Variants in CLMN observed in about 807,000 individuals in gnomAD.
The protein encoded by CLMN is calmin, also known as calmin (calponin-like, transmembrane).
CLMN carries 57 observed loss-of-function variants against 92.7 expected under a neutral mutation model. The ratio of observed to expected loss-of-function variants is 0.61; its 90% CI spans 0.50 to 0.77. CLMN has a LOEUF of 0.77. Ranked by LOEUF, CLMN falls within the 30% of genes least tolerant of loss-of-function variation. The pLI is 0.00. For missense variants in CLMN, 1,158 were observed against 1,237.5 expected, an observed-to-expected ratio of 0.94 and a Z score of 0.96; for synonymous variants, 466 against 470.6, an observed-to-expected ratio of 0.99 and a Z score of 0.13.
chr14:95,282,883 G>A (rs1321252598), intron 1 of CLMN, among the ~76,000 whole-genome samples: 1 of 152,238 alleles, frequency 6.6e-6, no homozygotes, highest in Non-Finnish European at 1.5e-5. Flanking sequence ...AGATGCAGGA[G>A]CAGGAAAAAT....
chr14:95,181,984 A>G lies in CLMN; in HGVS notation c.*9580T>C, dbSNP rs1237653430. 6.6e-6 allele frequency: 1 copy of G among 152,238 alleles called. No homozygotes were observed. The highest frequency in any genetic ancestry group is 1.5e-5 in the Non-Finnish European group (1 of 68,036). 9.4% of individuals were successfully genotyped at this position (152,238 alleles called of 1,614,324 possible). A position where few individuals can be genotyped will look rare whatever the true frequency, so the allele number is the denominator to read the frequency against. ...TTCAAAAATTTTCTTAAGAATACACATGATTTTACAAGATCATTCATCATA... is the reference window on the plus strand; with the variant it reads ...TTCAAAAATTTTCTTAAGAATACACGTGATTTTACAAGATCATTCATCATA... On this transcript the variant is annotated 3_prime_UTR_variant, in exon 13 of 13. Transcript: ENST00000298912.
chr14:95,205,911 T>G (rs1897033852), intron 8 of CLMN, among the ~76,000 whole-genome samples: 1 of 152,108 alleles, frequency 6.6e-6, no homozygotes, highest in Non-Finnish European at 1.5e-5. Flanking sequence ...CAATGGAGCA[T>G]AGAACATATC....
rs111702790 is a variant in CLMN at position 95,264,317 on chromosome 14, G to A, written c.83-34184C>T. On this transcript the variant is annotated intron_variant, in intron 1 of 12. Coordinates refer to ENST00000298912, the MANE Select transcript of CLMN (RefSeq NM_024734.4). Reference sequence around the variant, plus strand: ...CCCAAAGTGCTGAGATTATAGGCATGAGCCACTGTGCCGGACCCCTGCATC... The same window carrying A: ...CCCAAAGTGCTGAGATTATAGGCATAAGCCACTGTGCCGGACCCCTGCATC... Among the ~76,000 whole-genome samples, 1,286 of 152,236 alleles carry A rather than the reference G, an allele frequency of 8.4e-3. 35 individuals carry two copies. The highest frequency in any genetic ancestry group is 0.028 in the African/African-American group (1,181 of 41,516).
At chr14:95,246,867 T>C (rs116693814) in intron 1 of CLMN, among the ~76,000 whole-genome samples, 4,904 of 152,296 alleles carry the variant, frequency 0.032, 279 homozygotes, top group African/African-American at 0.11. Flanking sequence ...TGCCCCCAAA[T>C]TCTTATAGAG....
Position 95,210,861 on chromosome 14 carries a change from C to G in CLMN, c.627G>C (p.Gln209His). 5.9e-6 allele frequency: 9 copies of G among 1,538,130 alleles called. No individual in the cohort carries two copies. The highest frequency in any genetic ancestry group is 7.8e-6 in the Non-Finnish European group (9 of 1,150,298). ...CACTCCTCCAACTGCCCGCAAAGTC[C>G]TGCACCGCCACGCCATACCTGAAGG... is the stretch of plus-strand genomic sequence containing the variant. ...RKTRKYGVAV[Q>H]DFAGSWRSGL... Residue 209 changes from glutamine to histidine, a missense_variant, in exon 7 of 13, where the codon CAG (glutamine) becomes CAC (histidine). Coordinates refer to ENST00000298912, the MANE Select transcript of CLMN (RefSeq NM_024734.4).
chr14:95,194,469 G>T lies in CLMN; in HGVS notation c.2769+67C>A. On this transcript the variant is annotated intron_variant, in intron 11 of 12. Coordinates refer to ENST00000298912, the MANE Select transcript of CLMN (RefSeq NM_024734.4). The surrounding 1 kb of genome is among the most constrained non-coding windows in gnomAD (Gnocchi z 4.0). ...TAATTTCAAAGCTCTGGGCTGGGGA[G>T]GAGGAAGGATGGAAAGGAATTGATT... 1 of 1,612,282 alleles carries T rather than the reference G, an allele frequency of 6.2e-7. No individual in the cohort carries two copies. The highest frequency in any genetic ancestry group is 8.5e-7 in the Non-Finnish European group (1 of 1,178,722).
At chr14:95,242,966 AG>A (rs1489355407) in intron 1 of CLMN, among the ~76,000 whole-genome samples, 1 of 152,192 alleles carries the variant, frequency 6.6e-6, no homozygotes, top group East Asian at 1.9e-4. Context: ...TTTTCTGTTA[AG>A]GGCCACATAG....
intron 1 of CLMN, among the ~76,000 whole-genome samples, chr14:95,257,544 G>T (rs553991260): frequency 6.6e-6 from 1 of 152,212 alleles, no homozygotes; most frequent in Non-Finnish European, 1.5e-5. Flanking sequence ...GGGACGGCAC[G>T]CAAGCTTGCA....
At position 95,259,427 on chromosome 14, in the gene CLMN, C is replaced by T. The variant is rs1288534895; in HGVS notation, c.83-29294G>A. On this transcript the variant is annotated intron_variant, in intron 1 of 12. Coordinates refer to ENST00000298912, the MANE Select transcript of CLMN (RefSeq NM_024734.4). The surrounding 1 kb of genome is among the most constrained non-coding windows in gnomAD (Gnocchi z 4.3). ...GTGCGTGGACAAACCTCCGGGTTAC[C>T]AGAATGTGCACTTTATGAGGACACG... Among the ~76,000 whole-genome samples the T allele has an allele frequency of 2.0e-5, 3 of 152,122 alleles. No individual in the cohort carries two copies. The highest frequency in any genetic ancestry group is 1.9e-4 in the East Asian group (1 of 5,194).
chr14:95,189,822 C>G lies in CLMN; in HGVS notation c.*1742G>C, dbSNP rs532221976. The G allele has an allele frequency of 1.3e-5, 2 of 152,346 alleles. No homozygotes were observed. Among genetic ancestry groups the G allele is most frequent in the South Asian group, 4.1e-4 (2 of 4,820 alleles). 9.4% of individuals were successfully genotyped at this position (152,346 alleles called of 1,614,324 possible). On this transcript the variant is annotated 3_prime_UTR_variant, in exon 13 of 13. Coordinates refer to ENST00000298912, the MANE Select transcript of CLMN (RefSeq NM_024734.4). ...AGATGGAATCACTCCAAGCTCCCAGCAGCTTTCTGGTTGGAAGGCTGAAAT... is the reference window on the plus strand; with the variant it reads ...AGATGGAATCACTCCAAGCTCCCAGGAGCTTTCTGGTTGGAAGGCTGAAAT...
At chr14:95,253,564 T>A (rs1898871858) in intron 1 of CLMN, among the ~76,000 whole-genome samples, 1 of 151,544 alleles carries the variant, frequency 6.6e-6, no homozygotes, top group Non-Finnish European at 1.5e-5. Context: ...GGCCCAGTCA[T>A]GTCATAAGAA....
intron 12 of CLMN, chr14:95,193,166 T>G: frequency 1.8e-6 from 1 of 570,774 alleles, no homozygotes; most frequent in South Asian, 2.4e-5. Flanking sequence ...AAAAACATAA[T>G]AAAGCAACTC....
At chr14:95,249,869 T>C (rs1247969874) in intron 1 of CLMN, among the ~76,000 whole-genome samples, 1 of 152,188 alleles carries the variant, frequency 6.6e-6, no homozygotes, top group South Asian at 2.1e-4. Context: ...GTTAGCAATC[T>C]TCCTGGTTTA....
intron 1 of CLMN, among the ~76,000 whole-genome samples, chr14:95,309,095 C>T (rs866919469): frequency 2.0e-5 from 3 of 152,094 alleles, no homozygotes; most frequent in Non-Finnish European, 2.9e-5. Context: ...GAAACACAGA[C>T]GACATCATTC....
intron 5 of CLMN, 41 bp downstream of exon 5, chr14:95,215,600 C>G (rs755815466): frequency 5.1e-6 from 8 of 1,558,888 alleles, no homozygotes; most frequent in Non-Finnish European, 7.1e-6. Flanking sequence ...TCAGCAGACA[C>G]AAGATCATGA....
chr14:95,196,425 C>A, intron 10 of CLMN, 73 bp downstream of exon 10: 1 of 1,450,482 alleles, frequency 6.9e-7, no homozygotes, highest in Non-Finnish European at 9.4e-7. Flanking sequence ...CCCACCCCAT[C>A]AAATCAGAAA....
chr14:95,277,490 C>T (rs1361969469), intron 1 of CLMN, among the ~76,000 whole-genome samples: 2 of 152,224 alleles, frequency 1.3e-5, no homozygotes, highest in African/African-American at 4.8e-5. Flanking sequence ...TCATAGTTAG[C>T]TCTAAAAATT....
In CLMN at chr14:95,262,151, T is replaced by C. The variant is rs553807469; in HGVS notation, c.83-32018A>G. Reference sequence around the variant, plus strand: ...ATCGTTTGGACAGCCAGCAACCCGATGTCATCACCTGTTCAAAAGCATTAA... The same window carrying C: ...ATCGTTTGGACAGCCAGCAACCCGACGTCATCACCTGTTCAAAAGCATTAA... On this transcript the variant is annotated intron_variant, in intron 1 of 12. Coordinates refer to ENST00000298912, the MANE Select transcript of CLMN (RefSeq NM_024734.4). Among the ~76,000 whole-genome samples the C allele has an allele frequency of 5.3e-5, 8 of 152,332 alleles. No individual in the cohort carries two copies. The South Asian group carries it at 1.0e-3, about 20-fold the overall frequency.
chr14:95,242,312 G>A (rs2140657043), intron 1 of CLMN, among the ~76,000 whole-genome samples: 2 of 134,998 alleles, frequency 1.5e-5, no homozygotes, highest in Admixed American at 1.7e-4. Context: ...AGGCTGGAGT[G>A]CAGTGGCGCA....
Sources: gnomAD v4.1 joint callset for allele counts (sites outside exome capture counted in the v4.1 genomes callset) on GRCh38, gnomAD v4.1.1 for gene constraint, Gnocchi (gnomAD v3.1) non-coding constraint, MANE v1.5 for transcripts, NCBI Gene and HGNC (gene_info 2026-07-23, HGNC 2026-07-21) for gene names.